The following GALNS variants were observed in gnomAD, a reference collection of about 807,000 sequenced individuals.
GALNS encodes galactosamine (N-acetyl)-6-sulfatase.
In GALNS, 65 loss-of-function variants were observed where a neutral mutation model predicts 65.9. That is an observed-to-expected ratio of 0.99 (90% CI 0.81 to 1.21). The LOEUF (loss-of-function observed/expected upper bound fraction) is 1.21. Ranked by LOEUF, GALNS falls within the 50% of genes most tolerant of loss-of-function variation. The pLI, the probability that GALNS is intolerant of heterozygous loss-of-function variation, is 0.00. For synonymous variants in GALNS, 346 were observed against 288.9 expected (o/e 1.20, Z -2.00); for missense variants, 776 against 700.7 (o/e 1.11, Z -1.21).
At chr16:88,818,598 G>C (rs576469158) in intron 12 of GALNS, among the ~76,000 whole-genome samples, 1 of 152,222 alleles carries the variant, frequency 6.6e-6, no homozygotes, top group Admixed American at 6.5e-5. Flanking sequence ...TGCAAGCTGC[G>C]GAGTGTTTGG....
intron 1 of GALNS, chr16:88,855,868 C>A (rs1449917840): frequency 5.6e-5 from 28 of 501,408 alleles, no homozygotes; most frequent in Non-Finnish European, 9.0e-5. Context: ...AGGGGCTGAG[C>A]GACACCGACG....
At chr16:88,817,546 G>A in intron 13 of GALNS, 4 of 984,048 alleles carry the variant, frequency 4.1e-6, no homozygotes, top group Non-Finnish European at 4.8e-6. Context: ...GCCCACCCGG[G>A]ACCCACCGGG....
chr16:88,854,807 T>A (rs1967704473), intron 1 of GALNS, among the ~76,000 whole-genome samples: 2 of 152,242 alleles, frequency 1.3e-5, no homozygotes, highest in Admixed American at 6.5e-5. Flanking sequence ...CCACTGTTGC[T>A]TGTCACTTTG....
chr16:88,856,021 C>A (rs1227766918), intron 1 of GALNS: 6 of 609,124 alleles, frequency 9.9e-6, no homozygotes, highest in Non-Finnish European at 1.5e-5. Context: ...AGGGTTTCAA[C>A]CCAGGTGTGT....
chr16:88,838,086 C>A (rs1912333945), intron 4 of GALNS, among the ~76,000 whole-genome samples: 1 of 152,206 alleles, frequency 6.6e-6, no homozygotes, highest in Non-Finnish European at 1.5e-5. Context: ...TGACATGCCC[C>A]TCGTGGCCCC....
At position 88,814,251 on chromosome 16, in the gene GALNS, G is replaced by A; in HGVS notation, c.*188C>T. The stretch of plus-strand genomic sequence containing the variant: ...TGAAATCTGAGGCGCCGTGGGCGAG[G>A]AGGAGGGCCAAGCACACGCCAGGGT... On this transcript the variant is annotated 3_prime_UTR_variant, in exon 14 of 14. Transcript: ENST00000268695. The A allele has an allele frequency of 2.6e-6, 2 of 767,280 alleles. No individual in the cohort carries two copies. The highest frequency in any genetic ancestry group is 1.6e-5 in the South Asian group (1 of 63,106). 47.5% of individuals were successfully genotyped at this position (767,280 alleles called of 1,614,324 possible). A position where few individuals can be genotyped will look rare whatever the true frequency, so the allele number is the denominator to read the frequency against.
chr16:88,817,492 C>T (rs1187405829), intron 13 of GALNS: 2 of 985,276 alleles, frequency 2.0e-6, no homozygotes, highest in Non-Finnish European at 2.4e-6. Context: ...ATGAGAACCT[C>T]GCAGGTGGGC....
chr16:88,842,244 A>G (rs1021664197), intron 2 of GALNS: 5 of 582,798 alleles, frequency 8.6e-6, no homozygotes, highest in Non-Finnish European at 1.6e-5. Flanking sequence ...TGGGACACCC[A>G]CTGGGCGTGC....
chr16:88,836,223 T>G lies in GALNS; in HGVS notation c.611A>C (p.Asn204Thr), dbSNP rs569725936. 6 of 1,613,594 alleles carry G rather than the reference T, an allele frequency of 3.7e-6. No individual in the cohort carries two copies. In the African/African-American group the frequency reaches 8.0e-5, roughly 21 times the overall value. ...FPINLKTGEA[N>T]LTQIYLQEAL... ...CACCTGCAGGTAGATCTGGGTGAGG[T>G]TGGCTTCCCCCGTCTTCAGATTAAT... Residue 204 changes from asparagine to threonine, a missense_variant, in exon 6 of 14, where the codon AAC becomes ACC. Physicochemically the swap from Asn to Thr is moderately conservative, Grantham distance 65 (BLOSUM62 0). Coordinates refer to ENST00000268695, the MANE Select transcript of GALNS (RefSeq NM_000512.5).
At chr16:88,855,467 C>T in intron 1 of GALNS, 1 of 702,842 alleles carries the variant, frequency 1.4e-6, no homozygotes. Context: ...GGCCCGGCTA[C>T]TGCTGTCAGG....
At chr16:88,844,395 G>A (rs1343645017) in intron 1 of GALNS, 1 of 152,236 alleles carries the variant, frequency 6.6e-6, no homozygotes, top group African/African-American at 2.4e-5. Flanking sequence ...GCTCTAGAAG[G>A]AGAAGGGGAG....
At chr16:88,843,243 G>A (rs578038513) in intron 1 of GALNS, 38 of 1,282,940 alleles carry the variant, frequency 3.0e-5, no homozygotes, top group South Asian at 1.7e-4. Flanking sequence ...GTCTGTACAC[G>A]TCTAGATTTC....
chr16:88,853,831 CGG>C (rs1967626440), intron 1 of GALNS, among the ~76,000 whole-genome samples: 1 of 152,120 alleles, frequency 6.6e-6, no homozygotes, highest in Non-Finnish European at 1.5e-5. Context: ...CGTCCTTGCC[CGG>C]CTCAGCTCCC....
intron 2 of GALNS, 148 bp downstream of exon 2, chr16:88,842,557 GA>G: frequency 1.0e-6 from 1 of 979,098 alleles, no homozygotes; most frequent in Non-Finnish European, 1.5e-6. Context: ...GATTTGATGA[GA>G]AAGGCCTGAG....
intron 9 of GALNS, among the ~76,000 whole-genome samples, chr16:88,828,021 C>T (rs1053450963): frequency 1.3e-5 from 2 of 152,242 alleles, no homozygotes; most frequent in South Asian, 2.1e-4. Flanking sequence ...ACTCACTCCG[C>T]GCTGCAGCCG....
At chr16:88,832,560 G>A (rs547388905) in intron 8 of GALNS, among the ~76,000 whole-genome samples, 1 of 152,322 alleles carries the variant, frequency 6.6e-6, no homozygotes, top group Non-Finnish European at 1.5e-5. Flanking sequence ...AAGCCCCCAA[G>A]ACCGGATTTT....
At chr16:88,853,547 G>A (rs1967607871) in intron 1 of GALNS, among the ~76,000 whole-genome samples, 1 of 152,168 alleles carries the variant, frequency 6.6e-6, no homozygotes, top group Admixed American at 6.5e-5. Flanking sequence ...TCTGTGGTCA[G>A]GGCTGACCCT....
chr16:88,842,766 T>A lies in GALNS; in HGVS notation c.184A>T (p.Met62Leu), dbSNP rs1367462378. Residue 62 changes from methionine (M) to leucine (L), a missense_variant, in exon 2 of 14, where the codon ATG becomes TTG. Coordinates refer to ENST00000268695, the MANE Select transcript of GALNS (RefSeq NM_000512.5). ...GGGAAAAGCAGCCCTTCTGCAGCCA[T>A]CCGGTCCAAATTCGGGGTCTCTCTG... ...PSRETPNLDR[M>L]AAEGLLFPNF... The A allele has an allele frequency of 1.9e-6, 3 of 1,613,048 alleles. No individual in the cohort carries two copies. In the African/African-American group the frequency reaches 4.0e-5, roughly 22 times the overall value.
At chr16:88,814,664 G>A in intron 13 of GALNS, 139 bp from the exon 14 acceptor site, 3 of 1,365,188 alleles carry the variant, frequency 2.2e-6, no homozygotes, top group Non-Finnish European at 2.0e-6. Context: ...CGCGATCTTG[G>A]CTCACTGCAA....
Sources: allele counts gnomAD v4.1 joint callset (sites outside exome capture counted in the v4.1 genomes callset), GRCh38; gene constraint gnomAD v4.1.1; transcripts MANE v1.5; gene names NCBI Gene and HGNC (gene_info 2026-07-23, HGNC 2026-07-21).